Variants in SHANK2 observed in about 807,000 individuals in gnomAD.
The protein encoded by SHANK2 is SH3 and multiple ankyrin repeat domains protein 2.
Under a neutral mutation model 133.7 loss-of-function variants are expected in SHANK2, and 43 were observed. The observed-to-expected ratio is 0.32, with a 90% CI of 0.25 to 0.41. The LOEUF is 0.41. SHANK2 is among the 10% of genes least tolerant of loss of function. The probability of loss-of-function intolerance (pLI) is 1.00; values close to 1 mark genes in which losing one functional copy is unlikely to be tolerated. For synonymous variants in SHANK2, 1,017 were observed against 952.8 expected, an observed-to-expected ratio of 1.07 and a Z score of -1.24; for missense variants, 1,994 against 2,235.8, an observed-to-expected ratio of 0.89 and a Z score of 2.18.
chr11:71,180,329 G>A (rs1267870952), intron 2 of SHANK2, among the ~76,000 whole-genome samples: 3 of 152,104 alleles, frequency 2.0e-5, no homozygotes, highest in East Asian at 3.9e-4. Flanking sequence ...TTTATCAAGA[G>A]GTACAGGATA....
At chr11:70,774,992 A>G (rs1177485095) in intron 14 of SHANK2, among the ~76,000 whole-genome samples, 1 of 151,940 alleles carries the variant, frequency 6.6e-6, no homozygotes, top group Non-Finnish European at 1.5e-5. Context: ...GACTGTCTCT[A>G]AAAAATAAAC....
chr11:70,680,519 C>A (rs918913160), intron 15 of SHANK2, among the ~76,000 whole-genome samples: 1 of 152,172 alleles, frequency 6.6e-6, no homozygotes, highest in Non-Finnish European at 1.5e-5. Flanking sequence ...TGCCTCTGAC[C>A]CCCTGCCCTC....
intron 2 of SHANK2, among the ~76,000 whole-genome samples, chr11:71,180,434 T>C (rs1259818258): frequency 1.3e-5 from 2 of 152,136 alleles, no homozygotes; most frequent in Non-Finnish European, 2.9e-5. Flanking sequence ...AAAACAGCTT[T>C]TCCTACCAGG....
At chr11:70,854,880 A>G (rs1351941539) in intron 11 of SHANK2, among the ~76,000 whole-genome samples, 1 of 152,194 alleles carries the variant, frequency 6.6e-6, no homozygotes, top group Non-Finnish European at 1.5e-5. Context: ...TGGTCTCCCT[A>G]CTACACCTGT....
At chr11:71,061,446 G>A (rs1243282920) in intron 9 of SHANK2, among the ~76,000 whole-genome samples, 1 of 152,234 alleles carries the variant, frequency 6.6e-6, no homozygotes, top group African/African-American at 2.4e-5. Context: ...GACAGGGAGT[G>A]CAGGGTGATA....
At chr11:70,901,936 A>C (rs34944804) in intron 10 of SHANK2, among the ~76,000 whole-genome samples, 17,575 of 152,276 alleles carry the variant, frequency 0.12, 1,351 homozygotes, top group Middle Eastern at 0.18. Context: ...ATGTGAAGCC[A>C]AGGGAACCCT....
chr11:70,807,899 T>C lies in SHANK2; in HGVS notation c.1494-728A>G, dbSNP rs1948197044. 6.6e-6 allele frequency among the ~76,000 whole-genome samples: 1 copy of C among 151,688 alleles called. No individual in the cohort carries two copies. Among genetic ancestry groups the C allele is most frequent in the African/African-American group, 2.4e-5 (1 of 41,268 alleles). On this transcript the variant is annotated intron_variant, in intron 12 of 25. Coordinates refer to ENST00000601538, the MANE Select transcript of SHANK2 (RefSeq NM_012309.5). This position sits in a 1 kb window ranked among gnomAD's most constrained non-coding sequence, Gnocchi z 4.8. ...ACCTTGGGGACACTGCTCAGTGAGATACACCAGACACAAAAGAACACAGAC... is the reference window on the plus strand; with the variant it reads ...ACCTTGGGGACACTGCTCAGTGAGACACACCAGACACAAAAGAACACAGAC...
intron 10 of SHANK2, among the ~76,000 whole-genome samples, chr11:70,930,419 G>A (rs1950486188): frequency 6.6e-6 from 1 of 152,206 alleles, no homozygotes; most frequent in Non-Finnish European, 1.5e-5. Flanking sequence ...ATGTGGGGAT[G>A]TTTGTTATGA....
At chr11:71,092,247 C>T (rs1555094173) in intron 8 of SHANK2, among the ~76,000 whole-genome samples, 175 bp downstream of exon 8, 2 of 152,218 alleles carry the variant, frequency 1.3e-5, no homozygotes, top group African/African-American at 2.4e-5. Flanking sequence ...CAAATACTGA[C>T]GTTCACATTT....
chr11:71,153,248 A>ACC (rs1317662635), intron 2 of SHANK2, among the ~76,000 whole-genome samples: 1 of 125,284 alleles, frequency 8.0e-6, no homozygotes, highest in African/African-American at 3.0e-5. Context: ...GTTACTCACC[A>ACC]CCCCGGGGCA....
intron 2 of SHANK2, among the ~76,000 whole-genome samples, chr11:71,157,474 T>C (rs1952927747): frequency 6.6e-6 from 1 of 152,178 alleles, no homozygotes; most frequent in East Asian, 1.9e-4. Flanking sequence ...TGTGCCGTTT[T>C]CTTGGTGGCA....
chr11:71,246,812 G>C (rs1003640248), intron 1 of SHANK2, among the ~76,000 whole-genome samples: 1 of 152,052 alleles, frequency 6.6e-6, no homozygotes, highest in Admixed American at 6.6e-5. Context: ...ATGCAACTAG[G>C]GCTTCAATTA....
At chr11:70,756,705 T>C (rs1421365615) in intron 14 of SHANK2, among the ~76,000 whole-genome samples, 2 of 152,160 alleles carry the variant, frequency 1.3e-5, no homozygotes, top group Non-Finnish European at 2.9e-5. Context: ...CTGCACACTC[T>C]GGGGCACCAG....
rs552599274 is a variant in SHANK2 at position 70,764,385 on chromosome 11, A to G, written c.1777+34058T>C. ...CATCCATCCACATACCTACCCACAC[A>G]TCCATCCATCCATCCATCCACGCAC... On this transcript the variant is annotated intron_variant, in intron 14 of 25. Coordinates refer to ENST00000601538, the MANE Select transcript of SHANK2 (RefSeq NM_012309.5). Among the ~76,000 whole-genome samples, 11 of 150,504 alleles carry G rather than the reference A, an allele frequency of 7.3e-5. 1 individual carries two copies. The South Asian group carries it at 2.3e-3, about 32-fold the overall frequency.
At chr11:70,911,069 C>G (rs1555078917) in intron 10 of SHANK2, 1 of 456,856 alleles carries the variant, frequency 2.2e-6, no homozygotes, top group African/African-American at 2.0e-5. Flanking sequence ...GCATTCACCC[C>G]CAGACTTCCT....
At chr11:70,624,758 C>T (rs2060881433) in intron 17 of SHANK2, among the ~76,000 whole-genome samples, 1 of 152,146 alleles carries the variant, frequency 6.6e-6, no homozygotes, top group Admixed American at 6.5e-5. Context: ...GCAGGAGGGG[C>T]CCGCAGCAGA....
chr11:70,596,290 A>T (rs1554989527), intron 17 of SHANK2, among the ~76,000 whole-genome samples: 1 of 152,178 alleles, frequency 6.6e-6, no homozygotes, highest in Non-Finnish European at 1.5e-5. Context: ...TGCTGACTTC[A>T]ATTCCCACAG....
intron 17 of SHANK2, among the ~76,000 whole-genome samples, chr11:70,636,735 AATATGTGTGAGC>A (rs1438860831): frequency 2.8e-5 from 4 of 144,744 alleles, no homozygotes; most frequent in Non-Finnish European, 6.1e-5. Context: ...ATGATGTGTG[AATATGTGTGAGC>A]ATGTGTGTGA....
At position 71,252,082 on chromosome 11, in the gene SHANK2, G is replaced by C. The variant is rs1034929803; in HGVS notation, c.-113+343C>G. On this transcript the variant is annotated intron_variant, in intron 1 of 25. Coordinates refer to ENST00000601538, the MANE Select transcript of SHANK2 (RefSeq NM_012309.5). This position sits in a 1 kb window ranked among gnomAD's most constrained non-coding sequence, Gnocchi z 6.3. ...CCAGAGGAAGGGGCAGGACGCGCCA[G>C]AGACTACGTGGTCCATGCGCGCAGG... Among the ~76,000 whole-genome samples the C allele has an allele frequency of 1.8e-4, 28 of 152,090 alleles. No individual in the cohort carries two copies. Among genetic ancestry groups the C allele is most frequent in the African/African-American group, 6.8e-4 (28 of 41,376 alleles).
Sources: gnomAD v4.1 joint callset for allele counts (sites outside exome capture counted in the v4.1 genomes callset) on GRCh38, gnomAD v4.1.1 for gene constraint, Gnocchi (gnomAD v3.1) non-coding constraint, MANE v1.5 for transcripts, NCBI Gene and HGNC (gene_info 2026-07-23, HGNC 2026-07-21) for gene names.